The following CASK variants were observed in gnomAD, a reference collection of about 807,000 sequenced individuals.
CASK encodes peripheral plasma membrane protein CASK.
A neutral mutation model predicts 82.9 loss-of-function variants in CASK; 4 were observed. The ratio of observed to expected loss-of-function variants is 0.05; its 90% confidence interval spans 0.02 to 0.11. CASK has a LOEUF of 0.11. CASK is among the 10% of genes least tolerant of loss of function. The probability of loss-of-function intolerance (pLI) is 1.00; values close to 1 mark genes in which losing one functional copy is unlikely to be tolerated. For synonymous variants in CASK, 259 were observed against 253.5 expected (o/e 1.02, Z -0.20); for missense variants, 358 against 720.9 (o/e 0.50, Z 5.76).
chrX:41,800,601 A>G (rs1188328316), intron 2 of CASK, among the ~76,000 whole-genome samples: 2 of 109,519 alleles, frequency 1.8e-5, no homozygotes, highest in African/African-American at 6.7e-5. Context: ...TGCTGCACCC[A>G]TTAACTCGTC....
chrX:41,656,229 T>C (rs2066937637), intron 8 of CASK, among the ~76,000 whole-genome samples: 1 of 112,012 alleles, frequency 8.9e-6, no homozygotes, highest in South Asian at 3.7e-4. Flanking sequence ...AGAACTGTTC[T>C]GTCTGCCAGC....
At chrX:41,551,125 A>G (rs1398185067) in intron 21 of CASK, among the ~76,000 whole-genome samples, 1 of 111,581 alleles carries the variant, frequency 9.0e-6, no homozygotes, top group Non-Finnish European at 1.9e-5. Flanking sequence ...GTTAGGATAA[A>G]AGTGTTTGCC....
chrX:41,729,843 T>A (rs1421818873), intron 5 of CASK: 1 of 96,895 alleles, frequency 1.0e-5, no homozygotes, highest in East Asian at 4.1e-4. Context: ...GTTAAGTAAA[T>A]CACCCCAATT....
rs867741682 is a variant in CASK, at chrX:41,829,621, G to T, written c.172+23494C>A. ...ACATGTTTTTGTTTTTTTTTTTTTTGGGGGGGTGGGGGTGAACATATGTTA... is the reference window on the plus strand; with the variant it reads ...ACATGTTTTTGTTTTTTTTTTTTTTTGGGGGGTGGGGGTGAACATATGTTA... On this transcript the variant is annotated intron_variant, in intron 2 of 26. Transcript: ENST00000378163. Among the ~76,000 whole-genome samples, 37 of 11,078 alleles carry T rather than the reference G, an allele frequency of 3.3e-3. 5 individuals carry two copies. The highest frequency in any genetic ancestry group is 4.3e-3 in the African/African-American group (11 of 2,552). The allele number at this position is 11,078 out of a possible 115,157, so 9.6% of individuals were successfully genotyped here. A position where few individuals can be genotyped will look rare whatever the true frequency, so the allele number is the denominator to read the frequency against.
Position 41,759,663 on chromosome X carries a change from T to C in CASK, c.279-14062A>G, listed in dbSNP as rs191411225. ...TTTTAGGCTCAAGCCTGGCAGATCT[T>C]GGTCATGACACTTAACCTTTCTGGG... On this transcript the variant is annotated intron_variant, in intron 3 of 26. Coordinates refer to ENST00000378163, the MANE Select transcript of CASK (RefSeq NM_001367721.1). Among the ~76,000 whole-genome samples the C allele has an allele frequency of 2.3e-4, 26 of 111,808 alleles. 1 individual carries two copies. In the East Asian group the frequency reaches 7.0e-3, roughly 30 times the overall value.
intron 1 of CASK, among the ~76,000 whole-genome samples, chrX:41,864,370 A>T (rs990957652): frequency 9.0e-6 from 1 of 111,090 alleles, no homozygotes; most frequent in Non-Finnish European, 1.9e-5. Flanking sequence ...CATTCAAGTA[A>T]GTTTGGGAAA....
At chrX:41,712,026 C>T (rs977537285) in intron 5 of CASK, among the ~76,000 whole-genome samples, 4 of 112,818 alleles carry the variant, frequency 3.5e-5, no homozygotes, top group East Asian at 2.8e-4. Context: ...GTGGGCCTGA[C>T]GCCTCAGCAG....
rs142439585 is a variant in CASK at position 41,842,624 on chromosome X, A to G, written c.172+10491T>C. 7.3e-3 allele frequency among the ~76,000 whole-genome samples: 802 copies of G among 110,035 alleles called. 12 individuals carry two copies. Among genetic ancestry groups the G allele is most frequent in the East Asian group, 0.055 (194 of 3,498 alleles). On this transcript the variant is annotated intron_variant, in intron 2 of 26. Coordinates refer to ENST00000378163, the MANE Select transcript of CASK (RefSeq NM_001367721.1). ...AAATGTGAGTACTCCAACTTTGTCCATTGTTTTTCAGGATTGTTAAGGCTA... is the reference window on the plus strand; with the variant it reads ...AAATGTGAGTACTCCAACTTTGTCCGTTGTTTTTCAGGATTGTTAAGGCTA...
At chrX:41,845,703 T>TA (rs1375430046) in intron 2 of CASK, among the ~76,000 whole-genome samples, 2 of 111,785 alleles carry the variant, frequency 1.8e-5, no homozygotes, top group Non-Finnish European at 3.8e-5. Flanking sequence ...AGTGTTTAAT[T>TA]CATTTATATT....
chrX:41,745,218 A>G (rs960955788), intron 4 of CASK, among the ~76,000 whole-genome samples: 1 of 111,040 alleles, frequency 9.0e-6, no homozygotes, highest in Non-Finnish European at 1.9e-5. Flanking sequence ...GAGTTTCACC[A>G]TGTTGGCCAG....
intron 5 of CASK, among the ~76,000 whole-genome samples, chrX:41,708,919 A>G (rs1016015447): frequency 9.0e-6 from 1 of 111,466 alleles, no homozygotes; most frequent in Non-Finnish European, 1.9e-5. Flanking sequence ...TCCAAGTTCA[A>G]TACTTTATTT....
chrX:41,742,876 C>T lies in CASK; in HGVS notation c.356+2648G>A, dbSNP rs759750097. Among the ~76,000 whole-genome samples, 3 of 111,876 alleles carry T rather than the reference C, an allele frequency of 2.7e-5. No individual in the cohort carries two copies. In the East Asian group the frequency reaches 8.4e-4, roughly 31 times the overall value. ...GGAAGAACCTTTAATAAACTGCCTC[C>T]AAACCTCTCTCTTTGCAATGTCATC... On this transcript the variant is annotated intron_variant, in intron 4 of 26. Transcript: ENST00000378163.
intron 1 of CASK, among the ~76,000 whole-genome samples, chrX:41,860,718 T>G (rs1018454661): frequency 2.7e-5 from 3 of 112,255 alleles, no homozygotes; most frequent in African/African-American, 9.7e-5. Context: ...CTTACATACA[T>G]TCACCAAGCT....
chrX:41,690,605 C>A lies in CASK; in HGVS notation c.430-19075G>T, dbSNP rs753649113. Among the ~76,000 whole-genome samples, 3 of 107,696 alleles carry A rather than the reference C, an allele frequency of 2.8e-5. No homozygotes were observed. In the South Asian group the frequency reaches 1.2e-3, roughly 45 times the overall value. The allele number at this position is 107,696 out of a possible 115,157, so 93.5% of individuals were successfully genotyped here. Reference sequence around the variant, plus strand: ...CGAATTCCTGGACTCCAGTGATTTGCCTGCCTCGGCCTCCCAAAGTGCTGG... The same window carrying A: ...CGAATTCCTGGACTCCAGTGATTTGACTGCCTCGGCCTCCCAAAGTGCTGG... On this transcript the variant is annotated intron_variant, in intron 5 of 26. Transcript: ENST00000378163.
At chrX:41,640,977 CTTTTT>C (rs933827422) in intron 8 of CASK, among the ~76,000 whole-genome samples, 2 of 49,720 alleles carry the variant, frequency 4.0e-5, no homozygotes, top group East Asian at 6.4e-4. Context: ...GGTATCTCGT[CTTTTT>C]TTTTTTTTTT....
intron 1 of CASK, among the ~76,000 whole-genome samples, chrX:41,916,132 G>A (rs1012629271): frequency 3.6e-5 from 4 of 112,085 alleles, no homozygotes; most frequent in African/African-American, 6.5e-5. Flanking sequence ...AGCCAAGATC[G>A]TGCCACTGCA....
chrX:41,912,807 T>TATATATATAA (rs1406805296), intron 1 of CASK, among the ~76,000 whole-genome samples: 3 of 93,672 alleles, frequency 3.2e-5, no homozygotes, highest in Non-Finnish European at 6.8e-5. Context: ...TATATATATA[T>TATATATATAA]AAAATATATA....
At chrX:41,845,586 T>A (rs763083735) in intron 2 of CASK, among the ~76,000 whole-genome samples, 13 of 111,801 alleles carry the variant, frequency 1.2e-4, no homozygotes, top group Non-Finnish European at 1.9e-4. Context: ...TCAACTTATA[T>A]GTATTTTTTA....
At chrX:41,838,495 C>A (rs945285153) in intron 2 of CASK, among the ~76,000 whole-genome samples, 2 of 111,981 alleles carry the variant, frequency 1.8e-5, no homozygotes, top group African/African-American at 3.2e-5. Flanking sequence ...GTGGCTCATG[C>A]CAGTAATCCC....
Sources: gnomAD v4.1 joint callset for allele counts (sites outside exome capture counted in the v4.1 genomes callset) on GRCh38, gnomAD v4.1.1 for gene constraint, MANE v1.5 for transcripts, NCBI Gene and HGNC (gene_info 2026-07-23, HGNC 2026-07-21) for gene names.